ULK4: variants seen among roughly 807,000 people sequenced by gnomAD.
The protein encoded by ULK4 is inactive serine/threonine-protein kinase ULK4.
A neutral mutation model predicts 160.6 loss-of-function variants in ULK4; 133 were observed. The observed-to-expected ratio is 0.83, with a 90% CI of 0.72 to 0.96. The LOEUF (loss-of-function observed/expected upper bound fraction) is 0.96, where lower values mean the gene tolerates loss of function less well. ULK4 is among the 40% of genes least tolerant of loss of function. The pLI, the probability that ULK4 is intolerant of heterozygous loss-of-function variation, is 0.00. For missense variants in ULK4, 1,580 were observed against 1,499.5 expected, an observed-to-expected ratio of 1.05 and a Z score of -0.89; for synonymous variants, 534 against 539.8, an observed-to-expected ratio of 0.99 and a Z score of 0.15.
chr3:41,407,756 C>T (rs1162293661), intron 34 of ULK4, among the ~76,000 whole-genome samples: 5 of 152,304 alleles, frequency 3.3e-5, no homozygotes, highest in Admixed American at 6.5e-5. Context: ...ATTGCTAACA[C>T]TCACTGGCAA....
chr3:41,608,350 G>A (rs2032488272), intron 31 of ULK4, among the ~76,000 whole-genome samples: 1 of 152,158 alleles, frequency 6.6e-6, no homozygotes, highest in Non-Finnish European at 1.5e-5. Flanking sequence ...AATGTTTGCT[G>A]CTTTATTTAA....
intron 31 of ULK4, among the ~76,000 whole-genome samples, chr3:41,593,459 T>C (rs2031489120): frequency 6.6e-6 from 1 of 152,136 alleles, no homozygotes; most frequent in African/African-American, 2.4e-5. Flanking sequence ...ATCTGAACCA[T>C]GTTGCAGGGG....
chr3:41,319,222 G>C (rs1020534778), intron 35 of ULK4, among the ~76,000 whole-genome samples: 2 of 152,070 alleles, frequency 1.3e-5, no homozygotes, highest in African/African-American at 4.8e-5. Flanking sequence ...GGGCATCTTC[G>C]TGTGGGGGCA....
chr3:41,882,832 G>T (rs1433943924), intron 17 of ULK4, among the ~76,000 whole-genome samples: 1 of 152,050 alleles, frequency 6.6e-6, no homozygotes, highest in Non-Finnish European at 1.5e-5. Flanking sequence ...GCCATCAGAA[G>T]GAACCCCCAT....
At chr3:41,773,606 T>C (rs2039489262) in intron 21 of ULK4, among the ~76,000 whole-genome samples, 1 of 152,128 alleles carries the variant, frequency 6.6e-6, no homozygotes, top group Non-Finnish European at 1.5e-5. Context: ...TCCATGCTCA[T>C]GGATAGGAAG....
At chr3:41,673,113 T>C (rs1024886496) in intron 29 of ULK4, among the ~76,000 whole-genome samples, 28 of 152,132 alleles carry the variant, frequency 1.8e-4, no homozygotes, top group African/African-American at 6.8e-4. Context: ...GTGCTGGGAT[T>C]ACATGTGTGA....
At chr3:41,824,226 C>T (rs2041256117) in intron 18 of ULK4, among the ~76,000 whole-genome samples, 1 of 150,916 alleles carries the variant, frequency 6.6e-6, no homozygotes, top group Non-Finnish European at 1.5e-5. Flanking sequence ...CAGTCTACAG[C>T]TCCCAGCATG....
chr3:41,917,865 T>C (rs55899232), intron 7 of ULK4, among the ~76,000 whole-genome samples: 18,632 of 151,888 alleles, frequency 0.12, 1,344 homozygotes, highest in Middle Eastern at 0.27. Flanking sequence ...TGGGCACCTG[T>C]AGTCCCAGCT....
intron 22 of ULK4, among the ~76,000 whole-genome samples, chr3:41,749,893 C>T (rs906988411): frequency 6.6e-6 from 1 of 152,054 alleles, no homozygotes; most frequent in Non-Finnish European, 1.5e-5. Flanking sequence ...ATCTTGCTGG[C>T]CACCAAGAGA....
At chr3:41,512,799 G>A (rs1691977) in intron 32 of ULK4, among the ~76,000 whole-genome samples, 135,992 of 152,178 alleles carry the variant, frequency 0.89, 61,253 homozygotes, top group Middle Eastern at 0.95. Context: ...ATGGAACCAA[G>A]AAAAGAACTG....
chr3:41,751,547 T>G (rs1180285511), intron 22 of ULK4, among the ~76,000 whole-genome samples: 1 of 152,188 alleles, frequency 6.6e-6, no homozygotes, highest in Non-Finnish European at 1.5e-5. Flanking sequence ...TGGAGGTCAG[T>G]GTCAGGGGCA....
chr3:41,569,060 G>A (rs1196519048), intron 31 of ULK4, among the ~76,000 whole-genome samples: 1 of 152,198 alleles, frequency 6.6e-6, no homozygotes, highest in Non-Finnish European at 1.5e-5. Context: ...ATAGTGCAAG[G>A]TATGGGGGAA....
At position 41,592,156 on chromosome 3, in the gene ULK4, G is replaced by A. The variant is rs139383743; in HGVS notation, c.3120+23513C>T. The stretch of plus-strand genomic sequence containing the variant: ...TGCCCAAACTGTAGAAGTGGGAAAC[G>A]GGGATCATCCACCCTTGAACACACA... On this transcript the variant is annotated intron_variant, in intron 31 of 36. Transcript: ENST00000301831. Among the ~76,000 whole-genome samples the A allele has an allele frequency of 4.6e-3, 708 of 152,332 alleles. 9 individuals carry two copies. The highest frequency in any genetic ancestry group is 0.016 in the African/African-American group (674 of 41,564).
chr3:41,582,657 A>G lies in ULK4; in HGVS notation c.3121-16527T>C, dbSNP rs767370319. On this transcript the variant is annotated intron_variant, in intron 31 of 36. Transcript: ENST00000301831. ...GGCATTGATTTCAAACTGAACCAAA[A>G]TAACTAGGCTCTACCTCTCTGGTTG... 4.6e-4 allele frequency among the ~76,000 whole-genome samples: 70 copies of G among 152,200 alleles called. 1 individual carries two copies. The highest frequency in any genetic ancestry group is 2.4e-4 in the Non-Finnish European group (16 of 68,050).
intron 35 of ULK4, among the ~76,000 whole-genome samples, chr3:41,333,246 T>C (rs1274374017): frequency 2.0e-5 from 3 of 152,202 alleles, no homozygotes; most frequent in South Asian, 2.1e-4. Context: ...TGGAAGTTAA[T>C]GTTATGACAG....
chr3:41,931,497 T>C (rs1320110937), intron 5 of ULK4, among the ~76,000 whole-genome samples: 3 of 123,824 alleles, frequency 2.4e-5, no homozygotes, highest in African/African-American at 8.6e-5. Context: ...AAGAAAGAAA[T>C]ATGTTTCAAC....
intron 35 of ULK4, among the ~76,000 whole-genome samples, chr3:41,289,565 C>T (rs1172873254): frequency 6.6e-6 from 1 of 152,168 alleles, no homozygotes; most frequent in Non-Finnish European, 1.5e-5. Context: ...CTGAGGTGAC[C>T]TTTCACACAA....
chr3:41,874,167 A>T (rs1697216951), intron 17 of ULK4, among the ~76,000 whole-genome samples: 1 of 152,190 alleles, frequency 6.6e-6, no homozygotes, highest in Admixed American at 6.5e-5. Context: ...GATTATGTGT[A>T]GTTGTTCTAG....
intron 6 of ULK4, 94 bp from the exon 7 acceptor site, chr3:41,918,634 C>A (rs1387841029): frequency 1.6e-6 from 1 of 640,264 alleles, no homozygotes; most frequent in East Asian, 4.1e-5. Context: ...TGGAGTCTTG[C>A]TCTGTCACCC....
Sources: allele counts gnomAD v4.1 joint callset (sites outside exome capture counted in the v4.1 genomes callset), GRCh38; gene constraint gnomAD v4.1.1; transcripts MANE v1.5; gene names NCBI Gene and HGNC (gene_info 2026-07-23, HGNC 2026-07-21).